THRB: variants seen among roughly 807,000 people sequenced by gnomAD.
THRB encodes the protein nuclear receptor subfamily 1 group A member 2.
Under a neutral mutation model 47.8 loss-of-function variants are expected in THRB, and 12 were observed. The ratio of observed to expected loss-of-function variants is 0.25; its 90% CI spans 0.16 to 0.41. The LOEUF (loss-of-function observed/expected upper bound fraction) is 0.41. THRB is among the 10% of genes least tolerant of loss of function. The pLI, the probability that THRB is intolerant of heterozygous loss-of-function variation, is 1.00. For synonymous variants in THRB, 218 were observed against 212.2 expected (o/e 1.03, Z -0.24); for missense variants, 348 against 589.2 (o/e 0.59, Z 4.24).
At chr3:24,495,343 G>C (rs1298284230), upstream of THRB, 4 of 152,234 alleles carry the variant, frequency 2.6e-5, no homozygotes, top group African/African-American at 9.7e-5. Context: ...GGGCTGCCCA[G>C]CCGGTACAGA....
chr3:24,183,333 A>C (rs1424292988), intron 5 of THRB, among the ~76,000 whole-genome samples: 2 of 145,914 alleles, frequency 1.4e-5, no homozygotes, highest in African/African-American at 5.1e-5. Context: ...ATTATCTTTC[A>C]TCTTTTTTCT....
chr3:24,123,161 G>A, intron 10 of THRB, 36 bp from the exon 11 acceptor site: 1 of 1,613,210 alleles, frequency 6.2e-7, no homozygotes, highest in African/African-American at 1.3e-5. Flanking sequence ...TTGATTCAGA[G>A]ATGGAAGGGG....
At chr3:24,455,807 C>T (rs552027342) in intron 1 of THRB, among the ~76,000 whole-genome samples, 84 of 152,258 alleles carry the variant, frequency 5.5e-4, no homozygotes, top group Non-Finnish European at 8.7e-4. Context: ...TACTCCATTT[C>T]GTCTGGCTGA....
intron 1 of THRB, among the ~76,000 whole-genome samples, chr3:24,432,608 C>T (rs993153365): frequency 3.3e-5 from 5 of 152,048 alleles, no homozygotes; most frequent in African/African-American, 4.8e-5. Flanking sequence ...CCACTTCACA[C>T]GAATGGCTAA....
Position 24,274,076 on chromosome 3 carries a change from G to A in THRB, c.-43+23150C>T, listed in dbSNP as rs371001483. ...TTTTTTCTTAACATTATGCTCACCT[G>A]TGAAATGTGAAACTCAGGCGATACT... On this transcript the variant is annotated intron_variant, in intron 3 of 10. Transcript: ENST00000646209. Among the ~76,000 whole-genome samples the A allele has an allele frequency of 5.9e-5, 9 of 152,222 alleles. No homozygotes were observed. The East Asian group carries it at 1.7e-3, about 29-fold the overall frequency.
chr3:24,402,000 T>C (rs2067442013), intron 1 of THRB, among the ~76,000 whole-genome samples: 1 of 151,974 alleles, frequency 6.6e-6, no homozygotes, highest in South Asian at 2.1e-4. Flanking sequence ...CCTTGTCTGC[T>C]ACAGGGCAGG....
At chr3:24,265,442 A>G (rs1166071950) in intron 3 of THRB, among the ~76,000 whole-genome samples, 4 of 152,216 alleles carry the variant, frequency 2.6e-5, no homozygotes. Context: ...AGACCTTGAA[A>G]TTATGAGGAA....
intron 2 of THRB, among the ~76,000 whole-genome samples, chr3:24,315,747 A>G (rs1343439576): frequency 1.3e-5 from 2 of 151,946 alleles, no homozygotes; most frequent in Non-Finnish European, 2.9e-5. Flanking sequence ...TCTCCTCTCA[A>G]CTCCCATATA....
At chr3:24,191,155 T>C (rs1327299048) in intron 4 of THRB, among the ~76,000 whole-genome samples, 1 of 151,914 alleles carries the variant, frequency 6.6e-6, no homozygotes, top group Non-Finnish European at 1.5e-5. Context: ...AATAATATGA[T>C]GAAAAATTTC....
In THRB at chr3:24,122,758, A is replaced by C; in HGVS notation, c.*126T>G. On this transcript the variant is annotated 3_prime_UTR_variant, in exon 11 of 11. Transcript: ENST00000646209. ...AATTTCATCCATGTCTATGCCAAGGACTACTTCCCTTTTCCCTCCCAAATA... is the reference window on the plus strand; with the variant it reads ...AATTTCATCCATGTCTATGCCAAGGCCTACTTCCCTTTTCCCTCCCAAATA... 2 of 1,361,398 alleles carry C rather than the reference A, an allele frequency of 1.5e-6. No homozygotes were observed. Among genetic ancestry groups the C allele is most frequent in the East Asian group, 2.3e-5 (1 of 43,508 alleles). The allele number at this position is 1,361,398 out of a possible 1,614,324, so 84.3% of individuals were successfully genotyped here.
intron 1 of THRB, among the ~76,000 whole-genome samples, chr3:24,394,740 T>C (rs1332179541): frequency 1.3e-5 from 2 of 152,108 alleles, no homozygotes; most frequent in Non-Finnish European, 2.9e-5. Flanking sequence ...AGTTTAAATG[T>C]ATTTGTGTGG....
Position 24,449,441 on chromosome 3 carries a change from T to A in THRB, c.-261+45211A>T, listed in dbSNP as rs538917309. On this transcript the variant is annotated intron_variant, in intron 1 of 10. Transcript: ENST00000646209. ...AATTCCCAGAACCAAGTAACCCAGCTGGAGAATACCGCTGCAGGAAAGACA... is the reference window on the plus strand; with the variant it reads ...AATTCCCAGAACCAAGTAACCCAGCAGGAGAATACCGCTGCAGGAAAGACA... Among the ~76,000 whole-genome samples the A allele has an allele frequency of 5.9e-5, 9 of 152,292 alleles. 1 individual carries two copies. In the South Asian group the frequency reaches 1.9e-3, roughly 32 times the overall value.
At chr3:24,462,820 GA>G (rs2073816581) in intron 1 of THRB, among the ~76,000 whole-genome samples, 1 of 152,186 alleles carries the variant, frequency 6.6e-6, no homozygotes, top group African/African-American at 2.4e-5. Flanking sequence ...CAGTCACCCA[GA>G]AGCCTGGGAA....
At chr3:24,280,017 G>A (rs918279776) in intron 3 of THRB, among the ~76,000 whole-genome samples, 7 of 152,114 alleles carry the variant, frequency 4.6e-5, no homozygotes, top group Non-Finnish European at 5.9e-5. Context: ...AGGGTCCAGC[G>A]CACAAAAATG....
chr3:24,301,917 G>A (rs1193326565), intron 2 of THRB, among the ~76,000 whole-genome samples: 1 of 152,182 alleles, frequency 6.6e-6, no homozygotes, highest in African/African-American at 2.4e-5. Flanking sequence ...GATGGAGGAA[G>A]GAAGCCAAGG....
chr3:24,196,825 A>C (rs1197412212), intron 4 of THRB, among the ~76,000 whole-genome samples: 1 of 152,198 alleles, frequency 6.6e-6, no homozygotes, highest in African/African-American at 2.4e-5. Flanking sequence ...CCTGACCATC[A>C]TTTTATCTGG....
intron 1 of THRB, among the ~76,000 whole-genome samples, chr3:24,353,125 A>AC (rs200941914): frequency 0.012 from 1,793 of 151,970 alleles, 22 homozygotes; most frequent in Middle Eastern, 0.027. Flanking sequence ...ATGGATTCTT[A>AC]CCCCCCAAGT....
chr3:24,470,169 A>C (rs950566121), intron 1 of THRB, among the ~76,000 whole-genome samples: 1 of 152,210 alleles, frequency 6.6e-6, no homozygotes, highest in Non-Finnish European at 1.5e-5. Flanking sequence ...TGAATATCAC[A>C]GAACTCTAAA....
intron 1 of THRB, among the ~76,000 whole-genome samples, chr3:24,481,335 T>G (rs563318955): frequency 6.7e-6 from 1 of 149,748 alleles, no homozygotes; most frequent in African/African-American, 2.5e-5. Flanking sequence ...CAGGGCCTTG[T>G]AAGTGTATAT....
Sources: gnomAD v4.1 joint callset for allele counts (sites outside exome capture counted in the v4.1 genomes callset) on GRCh38, gnomAD v4.1.1 for gene constraint, MANE v1.5 for transcripts, NCBI Gene and HGNC (gene_info 2026-07-23, HGNC 2026-07-21) for gene names.